Variants in KAZN observed in about 807,000 individuals in gnomAD.
KAZN encodes kazrin, periplakin interacting protein.
A neutral mutation model predicts 87.4 loss-of-function variants in KAZN; 40 were observed. The observed-to-expected ratio is 0.46, with a 90% CI of 0.36 to 0.60. The LOEUF is 0.60. Ranked by LOEUF, KAZN falls within the 20% of genes least tolerant of loss-of-function variation. KAZN has a pLI of 0.00. For missense variants in KAZN, 898 were observed against 1,073.9 expected, an observed-to-expected ratio of 0.84 and a Z score of 2.29; for synonymous variants, 466 against 458.3, an observed-to-expected ratio of 1.02 and a Z score of -0.22.
At chr1:14,061,572 T>G (rs1432549278) in intron 1 of KAZN, among the ~76,000 whole-genome samples, 4 of 152,142 alleles carry the variant, frequency 2.6e-5, no homozygotes, top group Non-Finnish European at 1.5e-5. Flanking sequence ...TTCAAATGCC[T>G]CATAAAGTAG....
chr1:14,428,504 AC>A (rs374314860), intron 2 of KAZN, among the ~76,000 whole-genome samples: 544 of 152,358 alleles, frequency 3.6e-3, no homozygotes, highest in African/African-American at 0.012. Context: ...ACTGAACCCT[AC>A]AAAGATCTTT....
chr1:14,732,995 G>A (rs1274361916), intron 1 of KAZN, among the ~76,000 whole-genome samples: 1 of 152,104 alleles, frequency 6.6e-6, no homozygotes, highest in East Asian at 1.9e-4. Flanking sequence ...GCAAGCAGAA[G>A]AGTTTGCTGC....
intron 1 of KAZN, among the ~76,000 whole-genome samples, chr1:14,909,245 C>A (rs999009235): frequency 6.6e-5 from 10 of 152,150 alleles, no homozygotes; most frequent in African/African-American, 1.9e-4. Context: ...TCTTACTGAT[C>A]CCCATTGAAC....
intron 1 of KAZN, among the ~76,000 whole-genome samples, chr1:14,152,692 T>C (rs964207071): frequency 6.6e-6 from 1 of 152,214 alleles, no homozygotes; most frequent in African/African-American, 2.4e-5. Context: ...TTCCTTCCTT[T>C]TGGGTATGTA....
intron 1 of KAZN, among the ~76,000 whole-genome samples, chr1:14,940,614 C>G (rs551920383): frequency 7.9e-5 from 12 of 152,322 alleles, no homozygotes; most frequent in Non-Finnish European, 1.5e-4. Flanking sequence ...CTACTGGGAG[C>G]TCTTTGTGAG....
Position 14,979,126 on chromosome 1 carries a change from A to T in KAZN, c.418+18251A>T, listed in dbSNP as rs1665974461. ...ACCATGTCGGCCAGGCTGGTCTCGAACTCCTAATCTCAGGTGATCCACCTG... is the reference window on the plus strand; with the variant it reads ...ACCATGTCGGCCAGGCTGGTCTCGATCTCCTAATCTCAGGTGATCCACCTG... On this transcript the variant is annotated intron_variant, in intron 2 of 14. Transcript: ENST00000376030. 2.0e-5 allele frequency among the ~76,000 whole-genome samples: 3 copies of T among 151,886 alleles called. 1 individual carries two copies. The Middle Eastern group carries it at 0.01, about 520-fold the overall frequency.
chr1:14,271,504 G>T (rs914277332), intron 2 of KAZN, among the ~76,000 whole-genome samples: 3 of 152,164 alleles, frequency 2.0e-5, no homozygotes, highest in African/African-American at 7.2e-5. Flanking sequence ...CAGAAATCTA[G>T]CCGTCCAACC....
chr1:14,754,667 T>A (rs918113622), intron 1 of KAZN, among the ~76,000 whole-genome samples: 1 of 149,722 alleles, frequency 6.7e-6, no homozygotes, highest in East Asian at 1.9e-4. Context: ...TAATCCAGAT[T>A]TTTTTATAGT....
At chr1:14,151,227 G>A (rs2101799716) in intron 1 of KAZN, among the ~76,000 whole-genome samples, 1 of 152,202 alleles carries the variant, frequency 6.6e-6, no homozygotes, top group Non-Finnish European at 1.5e-5. Context: ...GGGCATATGA[G>A]TGACCAATGT....
intron 1 of KAZN, among the ~76,000 whole-genome samples, chr1:14,047,944 T>G (rs1452611608): frequency 6.6e-6 from 1 of 151,716 alleles, no homozygotes; most frequent in Non-Finnish European, 1.5e-5. Context: ...ACCATCAAAC[T>G]GGAAGCTCCA....
chr1:14,609,840 T>C (rs988030362), intron 1 of KAZN, among the ~76,000 whole-genome samples: 58 of 152,210 alleles, frequency 3.8e-4, no homozygotes, highest in Non-Finnish European at 7.2e-4. Flanking sequence ...TTTAAGTTGA[T>C]TTGTCTAAGA....
intron 8 of KAZN, among the ~76,000 whole-genome samples, chr1:15,068,443 T>C (rs2100580640): frequency 6.6e-6 from 1 of 152,256 alleles, no homozygotes; most frequent in South Asian, 2.1e-4. Flanking sequence ...TGGAGCTTAG[T>C]GGCCCCAGTC....
intron 2 of KAZN, among the ~76,000 whole-genome samples, chr1:14,188,239 AAGAG>A (rs1170151299): frequency 2.8e-5 from 3 of 105,724 alleles, no homozygotes; most frequent in Admixed American, 9.6e-5. Flanking sequence ...GTGTGTGTGA[AAGAG>A]AAGCCTTGTC....
chr1:14,902,229 T>A (rs945936244), intron 1 of KAZN, among the ~76,000 whole-genome samples: 2 of 141,630 alleles, frequency 1.4e-5, no homozygotes, highest in South Asian at 4.3e-4. Flanking sequence ...GAACTGCAAT[T>A]TTTTTTTTTT....
chr1:14,342,111 C>A (rs1375005685), intron 2 of KAZN, among the ~76,000 whole-genome samples: 1 of 152,158 alleles, frequency 6.6e-6, no homozygotes, highest in Admixed American at 6.5e-5. Flanking sequence ...TGTTAGTTTG[C>A]TAAGGATAAT....
At chr1:14,742,564 C>T (rs1644136939) in intron 1 of KAZN, among the ~76,000 whole-genome samples, 1 of 152,214 alleles carries the variant, frequency 6.6e-6, no homozygotes, top group South Asian at 2.1e-4. Flanking sequence ...CCTCTCTGTG[C>T]TGCAGTCTTG....
Position 14,400,434 on chromosome 1 carries a change from T to C in KAZN, c.250-198549T>C, listed in dbSNP as rs547349651. On this transcript the variant is annotated intron_variant, in intron 2 of 16. Coordinates refer to the KAZN transcript ENST00000636203. ...TATGCATTCCTTGGGAGGTGCTTTC[T>C]CTCACAGCACATTCATTGTGCAGAT... 2.6e-5 allele frequency among the ~76,000 whole-genome samples: 4 copies of C among 152,324 alleles called. No homozygotes were observed. In the East Asian group the frequency reaches 7.7e-4, roughly 29 times the overall value.
intron 1 of KAZN, among the ~76,000 whole-genome samples, chr1:14,689,448 G>C (rs551499878): frequency 6.6e-6 from 1 of 152,236 alleles, no homozygotes; most frequent in Non-Finnish European, 1.5e-5. Flanking sequence ...TGTTGATGGG[G>C]GTGGAAATAC....
intron 1 of KAZN, among the ~76,000 whole-genome samples, chr1:14,160,092 T>A (rs916905180): frequency 1.3e-5 from 2 of 152,236 alleles, no homozygotes; most frequent in Non-Finnish European, 1.5e-5. Context: ...AGCTGTCATG[T>A]GACCTTCTGT....
Sources: gnomAD v4.1 joint callset for allele counts (sites outside exome capture counted in the v4.1 genomes callset) on GRCh38, gnomAD v4.1.1 for gene constraint, MANE v1.5 for transcripts, NCBI Gene and HGNC (gene_info 2026-07-23, HGNC 2026-07-21) for gene names.